CCDC149: variants seen among roughly 807,000 people sequenced by gnomAD.
CCDC149 encodes the protein coiled-coil domain containing 149.
CCDC149 carries 45 observed loss-of-function variants against 59.9 expected under a neutral mutation model. That is an observed-to-expected ratio of 0.75 (90% CI 0.59 to 0.96). The LOEUF is 0.96. Among genes scored for constraint, CCDC149 ranks in the 40% least tolerant of loss-of-function variants. The probability of loss-of-function intolerance (pLI) is 0.00; values close to 1 mark genes in which losing one functional copy is unlikely to be tolerated. For synonymous variants in CCDC149, 245 were observed against 260.6 expected (o/e 0.94, Z 0.58); for missense variants, 584 against 664.7 (o/e 0.88, Z 1.33).
At chr4:24,887,420 A>C (rs1268933094) in intron 1 of CCDC149, among the ~76,000 whole-genome samples, 1 of 152,146 alleles carries the variant, frequency 6.6e-6, no homozygotes, top group Non-Finnish European at 1.5e-5. Flanking sequence ...AGTTCTCAGC[A>C]GATGATAAAC....
intron 4 of CCDC149, among the ~76,000 whole-genome samples, chr4:24,849,712 C>T (rs975748109): frequency 2.0e-5 from 3 of 152,162 alleles, no homozygotes; most frequent in African/African-American, 7.2e-5. Flanking sequence ...GTTTTTCAAA[C>T]GTACTTAACA....
Position 24,821,882 on chromosome 4 carries a change from G to A in CCDC149, c.1042+615C>T, listed in dbSNP as rs1291185467. On this transcript the variant is annotated intron_variant, in intron 10 of 12. Transcript: ENST00000635206. ...AGCTTCCAAACACAGTGTACAACTG[G>A]AAAAAAAATCACAGGAAATTCAGAT... Among the ~76,000 whole-genome samples the A allele has an allele frequency of 5.9e-5, 9 of 152,016 alleles. No individual in the cohort carries two copies. In the East Asian group the frequency reaches 9.7e-4, roughly 16 times the overall value.
intron 3 of CCDC149, among the ~76,000 whole-genome samples, chr4:24,860,389 G>A (rs755162943): frequency 3.3e-5 from 5 of 152,082 alleles, no homozygotes; most frequent in Admixed American, 6.5e-5. Flanking sequence ...TTGGAAAGGC[G>A]CACGTAGAGG....
intron 12 of CCDC149, among the ~76,000 whole-genome samples, chr4:24,817,229 C>T (rs1715075275): frequency 6.6e-6 from 1 of 152,160 alleles, no homozygotes; most frequent in South Asian, 2.1e-4. Context: ...CTTTGGATCT[C>T]CATGTGGACA....
chr4:24,813,494 A>ATCTATATCTATATATCTATATATC (rs1250098770), intron 12 of CCDC149, among the ~76,000 whole-genome samples: 2 of 6,950 alleles, frequency 2.9e-4, no homozygotes, highest in African/African-American at 4.3e-4. Context: ...TGGGGAATAT[A>ATCTATATCTATATATCTATATATC]TATATATATA....
At chr4:24,902,324 C>T (rs1382774055) in intron 1 of CCDC149, among the ~76,000 whole-genome samples, 2 of 152,178 alleles carry the variant, frequency 1.3e-5, no homozygotes, top group East Asian at 3.8e-4. Context: ...TGGAAACCAA[C>T]CTACCCCAAG....
At chr4:24,909,913 A>G (rs951500708) in intron 1 of CCDC149, among the ~76,000 whole-genome samples, 62 of 152,200 alleles carry the variant, frequency 4.1e-4, no homozygotes, top group African/African-American at 1.3e-3. Context: ...CAGCAGGCCC[A>G]TGAAATCTCT....
intron 1 of CCDC149, among the ~76,000 whole-genome samples, chr4:24,977,718 A>G (rs2109374776): frequency 1.3e-5 from 2 of 152,360 alleles, no homozygotes. Context: ...TTACCAATAC[A>G]GGGATGATAA....
intron 3 of CCDC149, among the ~76,000 whole-genome samples, chr4:24,863,419 C>G (rs1718503161): frequency 6.6e-6 from 1 of 152,232 alleles, no homozygotes; most frequent in Non-Finnish European, 1.5e-5. Flanking sequence ...TTAAATATTT[C>G]AGACCAGTAG....
chr4:24,813,489 A>AATATATCTATATATCTATAT (rs1186488610), intron 12 of CCDC149, among the ~76,000 whole-genome samples: 1 of 113,734 alleles, frequency 8.8e-6, no homozygotes, highest in African/African-American at 4.0e-5. Flanking sequence ...CAGCTTGGGG[A>AATATATCTATATATCTATAT]ATATATATAT....
chr4:24,961,183 G>A (rs769700714), intron 1 of CCDC149, among the ~76,000 whole-genome samples: 1 of 152,212 alleles, frequency 6.6e-6, no homozygotes, highest in Non-Finnish European at 1.5e-5. Flanking sequence ...ACAGAAAGAA[G>A]AAGGTGGATA....
At chr4:24,903,800 CTTTTTTTT>C (rs11344947) in intron 1 of CCDC149, among the ~76,000 whole-genome samples, 1 of 124,480 alleles carries the variant, frequency 8.0e-6, no homozygotes, top group African/African-American at 2.9e-5. Flanking sequence ...TAATTTTTAG[CTTTTTTTT>C]TTTTTTTTTG....
chr4:24,876,125 A>G (rs1353844390), intron 2 of CCDC149, among the ~76,000 whole-genome samples: 1 of 152,040 alleles, frequency 6.6e-6, no homozygotes, highest in Non-Finnish European at 1.5e-5. Context: ...TGGTTTGGCT[A>G]TGAGATCAAA....
At chr4:24,969,937 A>AG (rs1430015788) in intron 1 of CCDC149, among the ~76,000 whole-genome samples, 1 of 152,194 alleles carries the variant, frequency 6.6e-6, no homozygotes, top group Admixed American at 6.5e-5. Context: ...CATAGGGGAA[A>AG]GGCCAGGGAA....
chr4:24,863,063 C>T (rs7673103), intron 3 of CCDC149, among the ~76,000 whole-genome samples: 63 of 152,216 alleles, frequency 4.1e-4, no homozygotes, highest in African/African-American at 1.5e-3. Flanking sequence ...GGGGCTGAGG[C>T]GGGAGGATCA....
chr4:24,816,942 C>T (rs1254914019), intron 12 of CCDC149, among the ~76,000 whole-genome samples: 4 of 152,160 alleles, frequency 2.6e-5, no homozygotes, highest in South Asian at 4.1e-4. Flanking sequence ...CCCAAGCGCG[C>T]GCTGCTTTCA....
chr4:24,881,126 T>C (rs1024226266), intron 1 of CCDC149, among the ~76,000 whole-genome samples: 8 of 152,180 alleles, frequency 5.3e-5, no homozygotes, highest in Non-Finnish European at 1.5e-5. Context: ...CTCTGGACAG[T>C]CACTTGGTGG....
At chr4:24,907,976 A>T (rs1721635249) in intron 1 of CCDC149, among the ~76,000 whole-genome samples, 1 of 152,074 alleles carries the variant, frequency 6.6e-6, no homozygotes, top group African/African-American at 2.4e-5. Context: ...GTGTCTTCAC[A>T]TTGTCTTCTC....
rs142465303 is a variant in CCDC149 at position 24,816,123 on chromosome 4, A to C, written c.1192+3736T>G. ...TTTTTTCTTTGAGACAGGATCTCAC[A>C]CTGTCCCAGGCTGGAGTGCAGTGCC... On this transcript the variant is annotated intron_variant, in intron 12 of 12. Transcript: ENST00000635206. Among the ~76,000 whole-genome samples, 776 of 152,164 alleles carry C rather than the reference A, an allele frequency of 5.1e-3. 8 individuals carry two copies. Among genetic ancestry groups the C allele is most frequent in the African/African-American group, 0.018 (727 of 41,516 alleles).
Sources: allele counts gnomAD v4.1 joint callset (sites outside exome capture counted in the v4.1 genomes callset), GRCh38; gene constraint gnomAD v4.1.1; transcripts MANE v1.5; gene names NCBI Gene and HGNC (gene_info 2026-07-23, HGNC 2026-07-21).